NR1H4: variants seen among roughly 807,000 people sequenced by gnomAD.
NR1H4 encodes bile acid receptor.
NR1H4 carries 23 observed loss-of-function variants against 58.5 expected under a neutral mutation model. That is an observed-to-expected ratio of 0.39 (90% confidence interval 0.28 to 0.56). The LOEUF (loss-of-function observed/expected upper bound fraction) is 0.56. Ranked by LOEUF, NR1H4 falls within the 20% of genes least tolerant of loss-of-function variation. The pLI is 0.58. For missense variants in NR1H4, 487 were observed against 576.9 expected, an observed-to-expected ratio of 0.84 and a Z score of 1.60; for synonymous variants, 214 against 198.0, an observed-to-expected ratio of 1.08 and a Z score of -0.68.
In NR1H4 at chr12:100,474,061, T is replaced by G. The variant is rs1170402550; in HGVS notation, c.-190+2T>G. On this transcript the variant is annotated splice_donor_variant, in intron 1 of 10. Transcript: ENST00000392986. LOFTEE classifies it low-confidence loss of function (5UTR_SPLICE). ...CATCTCTGACCCAAAACAATCCAAG[T>G]AAGTACCTAATTCCTTTGGGAGTGG... 6.6e-6 allele frequency: 1 copy of G among 152,198 alleles called. No individual in the cohort carries two copies. Among genetic ancestry groups the G allele is most frequent in the African/African-American group, 2.4e-5 (1 of 41,456 alleles). The allele number at this position is 152,198 out of a possible 1,614,324, so 9.4% of individuals were successfully genotyped here.
chr12:100,547,601 A>G (rs1955100793), intron 9 of NR1H4, among the ~76,000 whole-genome samples: 3 of 152,286 alleles, frequency 2.0e-5, no homozygotes, highest in Middle Eastern at 6.8e-3. Flanking sequence ...AAAGTCAGGC[A>G]GTTACACCTT....
chr12:100,522,095 G>GC (rs72515696), intron 4 of NR1H4, among the ~76,000 whole-genome samples: 4 of 147,588 alleles, frequency 2.7e-5, no homozygotes, highest in African/African-American at 1.1e-4. Context: ...CAATGAAGAT[G>GC]AGATAAAGAT....
chr12:100,540,941 A>G, intron 9 of NR1H4, 123 bp downstream of exon 9: 2 of 913,488 alleles, frequency 2.2e-6, no homozygotes, highest in South Asian at 1.4e-5. Context: ...AGCATGAAGA[A>G]TGGCTCTAAA....
intron 3 of NR1H4, among the ~76,000 whole-genome samples, chr12:100,507,038 G>T (rs1953982541): frequency 6.6e-6 from 1 of 152,070 alleles, no homozygotes; most frequent in Non-Finnish European, 1.5e-5. Context: ...AAAGATTTTA[G>T]AATTGTCATA....
chr12:100,489,945 G>A (rs1181467088), intron 1 of NR1H4, among the ~76,000 whole-genome samples: 1 of 152,128 alleles, frequency 6.6e-6, no homozygotes, highest in Admixed American at 6.5e-5. Context: ...CTAATCAGGG[G>A]CATTCACATG....
chr12:100,482,994 C>G (rs1165611380), intron 1 of NR1H4, among the ~76,000 whole-genome samples: 1 of 152,118 alleles, frequency 6.6e-6, no homozygotes, highest in Non-Finnish European at 1.5e-5. Flanking sequence ...GGCGCAATCT[C>G]GGCTCACTGC....
rs901549093 is a variant in NR1H4, at chr12:100,547,961, T to C, written c.1078+7143T>C. On this transcript the variant is annotated intron_variant, in intron 9 of 10. Transcript: ENST00000392986. ...GGTCTCGATCTCCTGACCTCATGAT[T>C]CGCCCGCCTTGGCCTCCCAAAGTGC... Among the ~76,000 whole-genome samples the C allele has an allele frequency of 2.0e-4, 30 of 150,698 alleles. No homozygotes were observed. In the East Asian group the frequency reaches 3.8e-3, roughly 19 times the overall value.
chr12:100,474,255 A>G (rs1027095921), intron 1 of NR1H4, among the ~76,000 whole-genome samples, 196 bp downstream of exon 1: 7 of 152,230 alleles, frequency 4.6e-5, no homozygotes, highest in Non-Finnish European at 7.3e-5. Context: ...GCAAAAGTTA[A>G]TGAGTCTTAA....
chr12:100,549,132 A>G (rs1955147821), intron 9 of NR1H4, among the ~76,000 whole-genome samples: 1 of 152,088 alleles, frequency 6.6e-6, no homozygotes, highest in Non-Finnish European at 1.5e-5. Flanking sequence ...AGGTCACAAG[A>G]TTGAGACCAT....
chr12:100,539,847 G>T (rs1435118234), intron 8 of NR1H4, among the ~76,000 whole-genome samples: 2 of 152,196 alleles, frequency 1.3e-5, no homozygotes, highest in African/African-American at 2.4e-5. Context: ...ACTAGTAGTG[G>T]TGGGGAGTGT....
intron 7 of NR1H4, 125 bp from the exon 8 acceptor site, chr12:100,536,823 C>G: frequency 1.4e-6 from 1 of 693,442 alleles, no homozygotes; most frequent in Non-Finnish European, 2.5e-6. Context: ...CTCCAAAGAT[C>G]TGAGAAATAG....
chr12:100,527,993 C>T (rs1438908827), intron 4 of NR1H4, among the ~76,000 whole-genome samples: 3 of 152,108 alleles, frequency 2.0e-5, no homozygotes, highest in East Asian at 1.9e-4. Context: ...GCTGTATAAG[C>T]GGAGACAGAC....
chr12:100,542,504 A>G (rs894853669), intron 9 of NR1H4, among the ~76,000 whole-genome samples: 3 of 152,212 alleles, frequency 2.0e-5, no homozygotes, highest in Non-Finnish European at 4.4e-5. Flanking sequence ...ATTCTGTGCA[A>G]TTTATCTTAG....
intron 9 of NR1H4, among the ~76,000 whole-genome samples, chr12:100,549,739 C>T (rs894573524): frequency 4.6e-5 from 7 of 152,146 alleles, no homozygotes; most frequent in African/African-American, 1.7e-4. Context: ...CAAATATCAA[C>T]CATATATTGT....
intron 3 of NR1H4, among the ~76,000 whole-genome samples, chr12:100,507,320 T>G (rs1953989807): frequency 6.6e-6 from 1 of 152,246 alleles, no homozygotes; most frequent in Non-Finnish European, 1.5e-5. Context: ...AGGATTTTGC[T>G]TCTATTTTAT....
At chr12:100,502,658 C>T (rs1412193227) in intron 3 of NR1H4, among the ~76,000 whole-genome samples, 1 of 152,156 alleles carries the variant, frequency 6.6e-6, no homozygotes, top group Non-Finnish European at 1.5e-5. Flanking sequence ...ATGGTTCAAC[C>T]TACTATGTTT....
intron 4 of NR1H4, among the ~76,000 whole-genome samples, chr12:100,514,393 C>T (rs565948642): frequency 4.4e-4 from 67 of 152,288 alleles, no homozygotes; most frequent in African/African-American, 1.6e-3. Flanking sequence ...CATGTACTCC[C>T]TCCTGTTGCT....
intron 1 of NR1H4, among the ~76,000 whole-genome samples, chr12:100,489,048 A>C (rs1267922214): frequency 6.6e-6 from 1 of 152,196 alleles, no homozygotes; most frequent in Non-Finnish European, 1.5e-5. Flanking sequence ...TCCTTCCCCA[A>C]AATGAAAGTG....
At chr12:100,559,536 C>T (rs972982653) in intron 9 of NR1H4, among the ~76,000 whole-genome samples, 1 of 152,162 alleles carries the variant, frequency 6.6e-6, no homozygotes, top group African/African-American at 2.4e-5. Flanking sequence ...CCAGTGGCTG[C>T]GGAGGGTGTA....
Sources: allele counts gnomAD v4.1 joint callset (sites outside exome capture counted in the v4.1 genomes callset), GRCh38; gene constraint gnomAD v4.1.1; transcripts MANE v1.5; gene names NCBI Gene and HGNC (gene_info 2026-07-23, HGNC 2026-07-21).